Variants in THSD4 observed in about 807,000 individuals in gnomAD.
THSD4 encodes thrombospondin type-1 domain-containing protein 4.
THSD4 carries 69 observed loss-of-function variants against 119.0 expected under a neutral mutation model. The ratio of observed to expected loss-of-function variants is 0.58; its 90% CI spans 0.48 to 0.71. The LOEUF (loss-of-function observed/expected upper bound fraction) is 0.71. Ranked by LOEUF, THSD4 falls within the 30% of genes least tolerant of loss-of-function variation. The pLI is 0.00. For missense variants in THSD4, 1,393 were observed against 1,391.1 expected, an observed-to-expected ratio of 1.00 and a Z score of -0.02; for synonymous variants, 524 against 540.4, an observed-to-expected ratio of 0.97 and a Z score of 0.42.
At chr15:71,679,027 C>G (rs1595856891) in intron 8 of THSD4, among the ~76,000 whole-genome samples, 1 of 152,124 alleles carries the variant, frequency 6.6e-6, no homozygotes, top group Non-Finnish European at 1.5e-5. Flanking sequence ...AAACATTGCT[C>G]TTTGTCTGAA....
chr15:71,424,411 C>T (rs533350544), intron 7 of THSD4, among the ~76,000 whole-genome samples: 1 of 151,986 alleles, frequency 6.6e-6, no homozygotes, highest in Non-Finnish European at 1.5e-5. Context: ...TTGACAGGGA[C>T]TGGAAGGAGT....
chr15:71,495,090 G>A (rs1054327389), intron 7 of THSD4, among the ~76,000 whole-genome samples: 2 of 152,178 alleles, frequency 1.3e-5, no homozygotes, highest in Non-Finnish European at 2.9e-5. Context: ...TTCAGAAAGC[G>A]GGGAGAAGAG....
At chr15:71,535,348 G>A (rs970920125) in intron 7 of THSD4, among the ~76,000 whole-genome samples, 3 of 152,218 alleles carry the variant, frequency 2.0e-5, no homozygotes, top group South Asian at 4.1e-4. Context: ...TCTGTAGTGC[G>A]GATATACCAC....
intron 16 of THSD4, 46 bp downstream of exon 16, chr15:71,765,245 C>A: frequency 6.3e-7 from 1 of 1,580,702 alleles, no homozygotes; most frequent in Non-Finnish European, 8.6e-7. Flanking sequence ...CACAACGTCC[C>A]CCACCTGAAC....
intron 7 of THSD4, among the ~76,000 whole-genome samples, chr15:71,448,489 A>G (rs1364159972): frequency 1.3e-5 from 2 of 152,300 alleles, no homozygotes; most frequent in East Asian, 3.9e-4. Flanking sequence ...CAGAAACCGT[A>G]TTTGCGTGGT....
chr15:71,235,197 G>T (rs1225143416), intron 4 of THSD4, among the ~76,000 whole-genome samples: 1 of 152,172 alleles, frequency 6.6e-6, no homozygotes, highest in African/African-American at 2.4e-5. Flanking sequence ...TTCGGAGGCT[G>T]GCATTGAGGC....
chr15:71,393,555 G>T (rs181307466), intron 6 of THSD4, among the ~76,000 whole-genome samples: 34 of 152,196 alleles, frequency 2.2e-4, no homozygotes, highest in African/African-American at 7.9e-4. Context: ...CTTTGTGTCT[G>T]TCCCTGTGTT....
At position 71,482,660 on chromosome 15, in the gene THSD4, A is replaced by G. The variant is rs1315006013; in HGVS notation, c.1152+70837A>G. On this transcript the variant is annotated intron_variant, in intron 7 of 17. Transcript: ENST00000261862. The stretch of plus-strand genomic sequence containing the variant: ...GAGTACAGTGACTCGATCTTGGCTC[A>G]CTGCAACCTCCACCTCCCAAGTTCA... Among the ~76,000 whole-genome samples, 4 of 151,274 alleles carry G rather than the reference A, an allele frequency of 2.6e-5. No individual in the cohort carries two copies. In the East Asian group the frequency reaches 7.8e-4, roughly 29 times the overall value.
intron 4 of THSD4, among the ~76,000 whole-genome samples, chr15:71,241,726 C>G (rs1351316192): frequency 2.0e-5 from 3 of 152,098 alleles, no homozygotes; most frequent in Non-Finnish European, 4.4e-5. Context: ...TCTACCCTGT[C>G]CTGCCCACGT....
intron 7 of THSD4, among the ~76,000 whole-genome samples, chr15:71,492,325 C>T (rs1369736421): frequency 1.3e-5 from 2 of 152,052 alleles, no homozygotes; most frequent in Non-Finnish European, 2.9e-5. Context: ...AGTACAGTGG[C>T]ACAGTCTCAG....
chr15:71,489,740 T>C (rs938976207), intron 7 of THSD4, among the ~76,000 whole-genome samples: 1 of 152,248 alleles, frequency 6.6e-6, no homozygotes, highest in Non-Finnish European at 1.5e-5. Context: ...GTTCTCATTT[T>C]TGGGTTATTT....
chr15:71,517,420 C>A (rs965893759), intron 7 of THSD4, among the ~76,000 whole-genome samples: 6 of 152,210 alleles, frequency 3.9e-5, no homozygotes, highest in Admixed American at 3.3e-4. Context: ...CATTCTAGCC[C>A]TCAGTCCTTT....
intron 7 of THSD4, among the ~76,000 whole-genome samples, chr15:71,620,248 A>T (rs145154337): frequency 6.6e-6 from 1 of 152,262 alleles, no homozygotes; most frequent in Non-Finnish European, 1.5e-5. Context: ...AAGTGAGCTA[A>T]CTAATGAAAA....
chr15:71,469,385 G>C lies in THSD4; in HGVS notation c.1152+57562G>C, dbSNP rs189413290. ...TAACATTACATTTTCAGATTTTCCAGCTCTCAGAATGCAGCTGCAGGTTCA... is the reference window on the plus strand; with the variant it reads ...TAACATTACATTTTCAGATTTTCCACCTCTCAGAATGCAGCTGCAGGTTCA... On this transcript the variant is annotated intron_variant, in intron 7 of 17. Coordinates refer to ENST00000261862, the MANE Select transcript of THSD4 (RefSeq NM_024817.3). Among the ~76,000 whole-genome samples the C allele has an allele frequency of 5.9e-4, 90 of 152,220 alleles. 1 individual carries two copies. The highest frequency in any genetic ancestry group is 2.1e-3 in the African/African-American group (87 of 41,546).
chr15:71,249,681 CAA>C (rs200937478), intron 5 of THSD4, among the ~76,000 whole-genome samples: 292 of 151,472 alleles, frequency 1.9e-3, no homozygotes, highest in Middle Eastern at 6.8e-3. Context: ...AAAGTACAAA[CAA>C]AGAGTAAGAA....
intron 7 of THSD4, among the ~76,000 whole-genome samples, chr15:71,551,011 A>C (rs2048918213): frequency 6.6e-6 from 1 of 152,202 alleles, no homozygotes; most frequent in African/African-American, 2.4e-5. Context: ...TTTTTATCAT[A>C]TAGGTCTACT....
At chr15:71,663,917 T>C (rs529781154) in intron 8 of THSD4, among the ~76,000 whole-genome samples, 1 of 152,194 alleles carries the variant, frequency 6.6e-6, no homozygotes, top group Non-Finnish European at 1.5e-5. Context: ...ATAAGTTTGA[T>C]CTGCAGAATA....
At chr15:71,206,214 G>A (rs964312281) in intron 3 of THSD4, among the ~76,000 whole-genome samples, 44 of 152,124 alleles carry the variant, frequency 2.9e-4, no homozygotes, top group Non-Finnish European at 4.9e-4. Flanking sequence ...GTTTCACCAC[G>A]TTGGCCAGGC....
chr15:71,521,390 T>C (rs932086630), intron 7 of THSD4, among the ~76,000 whole-genome samples: 3 of 152,230 alleles, frequency 2.0e-5, no homozygotes, highest in African/African-American at 7.2e-5. Context: ...TCTTTAGGCA[T>C]CATATTTAAT....
Sources: gnomAD v4.1 joint callset for allele counts (sites outside exome capture counted in the v4.1 genomes callset) on GRCh38, gnomAD v4.1.1 for gene constraint, MANE v1.5 for transcripts, NCBI Gene and HGNC (gene_info 2026-07-23, HGNC 2026-07-21) for gene names.